HSBP1: variants seen among roughly 807,000 people sequenced by gnomAD.
HSBP1 encodes the protein heat shock factor-binding protein 1.
A neutral mutation model predicts 9.6 loss-of-function variants in HSBP1; 5 were observed. The observed-to-expected ratio is 0.52, with a 90% CI of 0.27 to 1.09. The LOEUF (loss-of-function observed/expected upper bound fraction) is 1.09. HSBP1 is among the 50% of genes least tolerant of loss of function. HSBP1 has a pLI of 0.11. For missense variants in HSBP1, 121 were observed against 96.3 expected, an observed-to-expected ratio of 1.26 and a Z score of -1.07; for synonymous variants, 42 against 33.3, an observed-to-expected ratio of 1.26 and a Z score of -0.90.
intron 1 of HSBP1, 34 bp from the exon 2 acceptor site, chr16:83,808,646 G>A (rs758502071): frequency 2.1e-5 from 33 of 1,577,246 alleles, no homozygotes; most frequent in Admixed American, 5.2e-5. Flanking sequence ...CAGGATCGAT[G>A]TGGACCGTGT....
At position 83,817,278 on chromosome 16, in the gene HSBP1, AC is replaced by A. The variant is rs1040542478; in HGVS notation, c.*5865del. On this transcript the variant is annotated 3_prime_UTR_variant, in exon 4 of 4. Coordinates refer to ENST00000433866, the MANE Select transcript of HSBP1 (RefSeq NM_001537.4). Reference sequence around the variant, plus strand: ...TCCAACTTGGACAATCAGGGCTTTGACCCCCGTTACCTGGCATTCAATTCAA... The same window carrying A: ...TCCAACTTGGACAATCAGGGCTTTGACCCCGTTACCTGGCATTCAATTCAA... 2.6e-5 allele frequency: 4 copies of A among 152,138 alleles called. No individual in the cohort carries two copies. The allele number at this position is 152,138 out of a possible 1,614,324, so 9.4% of individuals were successfully genotyped here.
rs975736660 is a variant in HSBP1 at position 83,817,435 on chromosome 16, C to G, written c.*6017C>G. ...TCTGCCTGACATTTTTCCTGCCTGT[C>G]CTGGGCCAGGTATGGCGCTAGCTGC... On this transcript the variant is annotated 3_prime_UTR_variant, in exon 4 of 4. Transcript: ENST00000433866. 5.3e-5 allele frequency: 8 copies of G among 152,264 alleles called. No homozygotes were observed. Among genetic ancestry groups the G allele is most frequent in the Admixed American group, 4.6e-4 (7 of 15,282 alleles). 9.4% of individuals were successfully genotyped at this position (152,264 alleles called of 1,614,324 possible). A position where few individuals can be genotyped will look rare whatever the true frequency, so the allele number is the denominator to read the frequency against.
chr16:83,808,127 G>C lies in HSBP1; in HGVS notation c.45+6G>C. 2 of 1,545,314 alleles carry C rather than the reference G, an allele frequency of 1.3e-6. No individual in the cohort carries two copies. The highest frequency in any genetic ancestry group is 1.7e-6 in the Non-Finnish European group (2 of 1,144,062). On this transcript the variant is annotated splice_donor_region_variant and intron_variant, in intron 1 of 3. Transcript: ENST00000433866. ...TGCAGGACCTCACCTCGGTGGTAAGGGACGGCTGTGAGGGCCGGAGGCCGC... is the reference window on the plus strand; with the variant it reads ...TGCAGGACCTCACCTCGGTGGTAAGCGACGGCTGTGAGGGCCGGAGGCCGC...
Position 83,815,511 on chromosome 16 carries a change from CA to C in HSBP1, c.*4108del, listed in dbSNP as rs11445473. 138 of 136,164 alleles carry C rather than the reference CA, an allele frequency of 1.0e-3. No individual in the cohort carries two copies. The highest frequency in any genetic ancestry group is 1.4e-3 in the African/African-American group (52 of 36,432). 8.4% of individuals were successfully genotyped at this position (136,164 alleles called of 1,614,324 possible). A position where few individuals can be genotyped will look rare whatever the true frequency, so the allele number is the denominator to read the frequency against. On this transcript the variant is annotated 3_prime_UTR_variant, in exon 4 of 4. Transcript: ENST00000433866. ...GGGGTGACAGAGCAAGACCCTGTCT[CA>C]AAAAAAAAAAAAAAGGGCGGATCCT... is the stretch of plus-strand genomic sequence containing the variant.
rs1257348360 is a variant in HSBP1, at chr16:83,819,286, T to G, written c.*7868T>G. 6.6e-6 allele frequency: 1 copy of G among 152,180 alleles called. No homozygotes were observed. 9.4% of individuals were successfully genotyped at this position (152,180 alleles called of 1,614,324 possible). On this transcript the variant is annotated 3_prime_UTR_variant, in exon 4 of 4. Transcript: ENST00000433866. ...TTTTAATAAATTCCCTCATTTATTATTTTTGTGTCTTATTTCCCATACACA... is the reference window on the plus strand; with the variant it reads ...TTTTAATAAATTCCCTCATTTATTAGTTTTGTGTCTTATTTCCCATACACA...
Position 83,809,418 on chromosome 16 carries a change from AGTTGAAG to A in HSBP1, c.229_*2+2del. ...AAACAAGATACCTGCCACGCAAAAGAGTTGAAGGTGAGGAAGGGGGCAATTTTTTTTT... is the reference window on the plus strand; with the variant it reads ...AAACAAGATACCTGCCACGCAAAAGAGTGAGGAAGGGGGCAATTTTTTTTT... On this transcript the variant is annotated stop_lost and splice_region_variant and 3_prime_UTR_variant, in exon 3 of 4. Coordinates refer to ENST00000433866, the MANE Select transcript of HSBP1 (RefSeq NM_001537.4). The A allele has an allele frequency of 5.4e-6, 8 of 1,487,460 alleles. No individual in the cohort carries two copies. Among genetic ancestry groups the A allele is most frequent in the Non-Finnish European group, 7.4e-6 (8 of 1,082,332 alleles). The allele number at this position is 1,487,460 out of a possible 1,614,324, so 92.1% of individuals were successfully genotyped here.
At chr16:83,809,182 G>A (rs1904537466) in intron 2 of HSBP1, 123 bp from the exon 3 acceptor site, 2 of 659,710 alleles carry the variant, frequency 3.0e-6, no homozygotes, top group African/African-American at 1.8e-5. Flanking sequence ...GCGTGTAACA[G>A]TGTCGAAAGA....
At position 83,808,039 on chromosome 16, in the gene HSBP1, C is replaced by A. The variant is rs1233197466; in HGVS notation, c.-38C>A. 5.3e-6 allele frequency: 8 copies of A among 1,506,872 alleles called. No homozygotes were observed. Among genetic ancestry groups the A allele is most frequent in the Admixed American group, 4.5e-5 (2 of 44,468 alleles). The allele number at this position is 1,506,872 out of a possible 1,614,324, so 93.3% of individuals were successfully genotyped here. The stretch of plus-strand genomic sequence containing the variant: ...AGCGGACAAACGGAAGTGTAGGTTA[C>A]GGTCTGAGACATCACCGCCAAGCTG... On this transcript the variant is annotated 5_prime_UTR_variant, in exon 1 of 4. Coordinates refer to ENST00000433866, the MANE Select transcript of HSBP1 (RefSeq NM_001537.4).
chr16:83,808,924 T>A (rs544389200), intron 2 of HSBP1, among the ~76,000 whole-genome samples, 178 bp downstream of exon 2: 94 of 152,270 alleles, frequency 6.2e-4, no homozygotes, highest in African/African-American at 2.2e-3. Flanking sequence ...CAAAGCTGAG[T>A]TAGACTCCTG....
Position 83,808,721 on chromosome 16 carries a change from C to T in HSBP1, c.87C>T (p.Thr29=). The change falls in exon 2 of 4, where the codon ACC becomes ACT. Residue 29 remains threonine, a synonymous_variant. Transcript: ENST00000433866. The part of the protein sequence containing the change: ...LLQQMQDKFQ[T]MSDQIIGRID... The stretch of plus-strand genomic sequence containing the variant: ...AGCAGATGCAAGATAAATTTCAGAC[C>T]ATGTCTGACCAGATCATTGGGAGAA... The T allele has an allele frequency of 1.2e-6, 2 of 1,612,084 alleles. No individual in the cohort carries two copies. Among genetic ancestry groups the T allele is most frequent in the South Asian group, 2.2e-5 (2 of 90,964 alleles).
Position 83,812,603 on chromosome 16 carries a change from C to G in HSBP1, c.*1185C>G, listed in dbSNP as rs1039900290. The G allele has an allele frequency of 1.3e-5, 2 of 152,076 alleles. No individual in the cohort carries two copies. Among genetic ancestry groups the G allele is most frequent in the Non-Finnish European group, 2.9e-5 (2 of 68,034 alleles). 9.4% of individuals were successfully genotyped at this position (152,076 alleles called of 1,614,324 possible). A position where few individuals can be genotyped will look rare whatever the true frequency, so the allele number is the denominator to read the frequency against. The stretch of plus-strand genomic sequence containing the variant: ...CTCACCAGTCTTGGTGTTTATATTG[C>G]AAATCTATCAAAGTAAGAAATAATT... On this transcript the variant is annotated 3_prime_UTR_variant, in exon 4 of 4. Transcript: ENST00000433866.
chr16:83,812,605 A>G lies in HSBP1; in HGVS notation c.*1187A>G, dbSNP rs556068902. 6.6e-6 allele frequency: 1 copy of G among 152,184 alleles called. No homozygotes were observed. Among genetic ancestry groups the G allele is most frequent in the South Asian group, 2.1e-4 (1 of 4,826 alleles). 9.4% of individuals were successfully genotyped at this position (152,184 alleles called of 1,614,324 possible). ...CACCAGTCTTGGTGTTTATATTGCA[A>G]ATCTATCAAAGTAAGAAATAATTTG... On this transcript the variant is annotated 3_prime_UTR_variant, in exon 4 of 4. Coordinates refer to ENST00000433866, the MANE Select transcript of HSBP1 (RefSeq NM_001537.4).
At chr16:83,809,922 C>G (rs1321596745) in intron 3 of HSBP1, among the ~76,000 whole-genome samples, 3 of 152,086 alleles carry the variant, frequency 2.0e-5, no homozygotes, top group African/African-American at 7.2e-5. Flanking sequence ...ATTTTTCATG[C>G]CAAACTCATT....
At chr16:83,808,921 G>T (rs1267858185) in intron 2 of HSBP1, among the ~76,000 whole-genome samples, 175 bp downstream of exon 2, 1 of 152,184 alleles carries the variant, frequency 6.6e-6, no homozygotes, top group Non-Finnish European at 1.5e-5. Context: ...GGGCAAAGCT[G>T]AGTTAGACTC....
In HSBP1 at chr16:83,812,554, AC is replaced by A. The variant is rs1277578455; in HGVS notation, c.*1137del. 3 of 152,188 alleles carry A rather than the reference AC, an allele frequency of 2.0e-5. No homozygotes were observed. The highest frequency in any genetic ancestry group is 4.8e-5 in the African/African-American group (2 of 41,444). The allele number at this position is 152,188 out of a possible 1,614,324, so 9.4% of individuals were successfully genotyped here. On this transcript the variant is annotated 3_prime_UTR_variant, in exon 4 of 4. Transcript: ENST00000433866. ...ACACAAAAACTTGAAAATTTGAAAA[AC>A]ATGATTTTTTTAAGTTTCTCATCTC...
In HSBP1 at chr16:83,813,812, C is replaced by G. The variant is rs969626753; in HGVS notation, c.*2394C>G. ...GCCCCACAGCTTCTTCATTTGGCCC[C>G]TAGTTCATCCTGCTTTCCTTTGAGC... is the stretch of plus-strand genomic sequence containing the variant. On this transcript the variant is annotated 3_prime_UTR_variant, in exon 4 of 4. Transcript: ENST00000433866. The G allele has an allele frequency of 6.6e-6, 1 of 152,160 alleles. No homozygotes were observed. Among genetic ancestry groups the G allele is most frequent in the African/African-American group, 2.4e-5 (1 of 41,428 alleles). The allele number at this position is 152,160 out of a possible 1,614,324, so 9.4% of individuals were successfully genotyped here. A position where few individuals can be genotyped will look rare whatever the true frequency, so the allele number is the denominator to read the frequency against.
Position 83,812,422 on chromosome 16 carries a change from C to G in HSBP1, c.*1004C>G, listed in dbSNP as rs984085011. The G allele has an allele frequency of 1.3e-5, 2 of 152,110 alleles. No individual in the cohort carries two copies. The highest frequency in any genetic ancestry group is 2.4e-5 in the African/African-American group (1 of 41,404). The allele number at this position is 152,110 out of a possible 1,614,324, so 9.4% of individuals were successfully genotyped here. ...TGATTATAGAAGACAGGGATAATAC[C>G]TTTATCTCTGGCCACTCAAAAATGC... On this transcript the variant is annotated 3_prime_UTR_variant, in exon 4 of 4. Transcript: ENST00000433866.
chr16:83,809,295 A>G lies in HSBP1; in HGVS notation c.113-10A>G, dbSNP rs974907938. On this transcript the variant is annotated splice_polypyrimidine_tract_variant and intron_variant, in intron 2 of 3. Transcript: ENST00000433866. ...GAGATGTTGGCACGCGTTGTCTTTA[A>G]CTTCAGCACTTGATGATATGAGTAG... is the stretch of plus-strand genomic sequence containing the variant. The G allele has an allele frequency of 3.9e-6, 6 of 1,539,844 alleles. No homozygotes were observed. The Admixed American group carries it at 5.5e-5, about 14-fold the overall frequency.
In HSBP1 at chr16:83,809,366, G is replaced by T. The variant is rs772791963; in HGVS notation, c.174G>T (p.Gln58His). The part of the protein sequence containing the change: ...LEKNIADLMT[Q>H]AGVEELESEN... ...AGAATATCGCGGACCTCATGACACA[G>T]GCTGGGGTGGAAGAACTGGAAAGTG... Residue 58 changes from glutamine (Q) to histidine (H), a missense_variant, in exon 3 of 4, where the codon CAG (glutamine) becomes CAT (histidine). Physicochemically the swap from Gln to His is conservative, Grantham distance 24. Coordinates refer to ENST00000433866, the MANE Select transcript of HSBP1 (RefSeq NM_001537.4). 1 of 1,605,752 alleles carries T rather than the reference G, an allele frequency of 6.2e-7. No individual in the cohort carries two copies. Among genetic ancestry groups the T allele is most frequent in the Non-Finnish European group, 8.5e-7 (1 of 1,176,044 alleles).
Sources: gnomAD v4.1 joint callset for allele counts (sites outside exome capture counted in the v4.1 genomes callset) on GRCh38, gnomAD v4.1.1 for gene constraint, MANE v1.5 for transcripts, NCBI Gene and HGNC (gene_info 2026-07-23, HGNC 2026-07-21) for gene names.